PTPRN2: variants seen among roughly 807,000 people sequenced by gnomAD.
PTPRN2 encodes receptor-type tyrosine-protein phosphatase N2.
PTPRN2 carries 74 observed loss-of-function variants against 118.8 expected under a neutral mutation model. The ratio of observed to expected loss-of-function variants is 0.62; its 90% CI spans 0.52 to 0.76. The LOEUF is 0.76. Ranked by LOEUF, PTPRN2 falls within the 30% of genes least tolerant of loss-of-function variation. The probability of loss-of-function intolerance (pLI) is 0.00; values close to 1 mark genes in which losing one functional copy is unlikely to be tolerated. For synonymous variants in PTPRN2, 641 were observed against 608.0 expected, an observed-to-expected ratio of 1.05 and a Z score of -0.80; for missense variants, 1,481 against 1,394.4, an observed-to-expected ratio of 1.06 and a Z score of -0.99.
chr7:158,557,071 C>T lies in PTPRN2; in HGVS notation c.112+30487G>A, dbSNP rs184819995. Among the ~76,000 whole-genome samples, 1,005 of 134,126 alleles carry T rather than the reference C, an allele frequency of 7.5e-3. 8 individuals are homozygous for T. Among genetic ancestry groups the T allele is most frequent in the African/African-American group, 0.028 (958 of 34,510 alleles). 88.0% of individuals were successfully genotyped at this position (134,126 alleles called of 152,430 possible). ...AGGTCACTCCCAGGCAGGTGGCTCC[C>T]GCGCAGGTCAGGCGGCTCCTGTGCA... On this transcript the variant is annotated intron_variant, in intron 1 of 22. Transcript: ENST00000389418.
At chr7:158,399,638 A>G (rs1812782738) in intron 2 of PTPRN2, among the ~76,000 whole-genome samples, 1 of 152,172 alleles carries the variant, frequency 6.6e-6, no homozygotes. Flanking sequence ...CCTGGGTGAT[A>G]AAGCAAGATC....
chr7:157,555,127 G>A (rs771310708), intron 21 of PTPRN2, among the ~76,000 whole-genome samples: 88 of 152,336 alleles, frequency 5.8e-4, no homozygotes, highest in Non-Finnish European at 6.9e-4. Context: ...TGCGTGCTCC[G>A]CTGGCACCCG....
intron 6 of PTPRN2, among the ~76,000 whole-genome samples, chr7:158,149,057 T>G (rs1820571489): frequency 7.6e-6 from 1 of 131,838 alleles, no homozygotes; most frequent in Admixed American, 7.5e-5. Flanking sequence ...ACACCCCATC[T>G]CATGCCACGT....
rs1454886979 is a variant in PTPRN2 at position 157,549,120 on chromosome 7, A to G, written c.2903-101T>C. ...CACGTTCCCTCTGGGCTGAGAGGCC[A>G]ATTGAAAATTATTACGCTCATCCCT... On this transcript the variant is annotated intron_variant, in intron 21 of 22. Transcript: ENST00000389418. 5.1e-6 allele frequency: 6 copies of G among 1,167,614 alleles called. No individual in the cohort carries two copies. In the African/African-American group the frequency reaches 9.1e-5, roughly 18 times the overall value. 72.3% of individuals were successfully genotyped at this position (1,167,614 alleles called of 1,614,324 possible).
At chr7:158,351,526 G>A (rs933681072) in intron 2 of PTPRN2, among the ~76,000 whole-genome samples, 20 of 152,168 alleles carry the variant, frequency 1.3e-4, no homozygotes, top group African/African-American at 4.1e-4. Context: ...TTTAAAGAAT[G>A]CTAAAACATT....
chr7:157,811,051 C>T (rs914056656), intron 12 of PTPRN2, among the ~76,000 whole-genome samples: 1 of 151,898 alleles, frequency 6.6e-6, no homozygotes, highest in African/African-American at 2.4e-5. Context: ...GCAGGCGGAT[C>T]ACGAAGTCAG....
chr7:158,386,001 C>T (rs1358758112), intron 2 of PTPRN2, among the ~76,000 whole-genome samples: 2 of 135,226 alleles, frequency 1.5e-5, no homozygotes, highest in Non-Finnish European at 3.2e-5. Context: ...CTGAGTCCCT[C>T]CTCCCGTGCC....
At chr7:157,558,428 G>A (rs1409551823) in intron 21 of PTPRN2, among the ~76,000 whole-genome samples, 1 of 152,222 alleles carries the variant, frequency 6.6e-6, no homozygotes, top group Non-Finnish European at 1.5e-5. Context: ...GATGTGGCTA[G>A]GTCCTCAACA....
Position 157,709,593 on chromosome 7 carries a change from C to G in PTPRN2, c.1789-26656G>C, listed in dbSNP as rs78085550. Among the ~76,000 whole-genome samples the G allele has an allele frequency of 3.2e-3, 491 of 152,352 alleles. 4 individuals carry two copies. Among genetic ancestry groups the G allele is most frequent in the South Asian group, 6.2e-3 (30 of 4,828 alleles). On this transcript the variant is annotated intron_variant, in intron 12 of 22. Coordinates refer to ENST00000389418, the MANE Select transcript of PTPRN2 (RefSeq NM_002847.5). ...CCCCCAGCTCTGTCTTCTATGGGGA[C>G]TTCGACCTCGCTCCACGTTGTGCAG... is the stretch of plus-strand genomic sequence containing the variant.
At chr7:158,178,163 A>G (rs1331827421) in intron 5 of PTPRN2, among the ~76,000 whole-genome samples, 2 of 152,112 alleles carry the variant, frequency 1.3e-5, no homozygotes, top group African/African-American at 4.8e-5. Flanking sequence ...TCACTCATTT[A>G]TCCTCTTTGG....
At chr7:157,712,762 A>T (rs1451080969) in intron 12 of PTPRN2, among the ~76,000 whole-genome samples, 1 of 151,710 alleles carries the variant, frequency 6.6e-6, no homozygotes, top group East Asian at 1.9e-4. Context: ...AAAAAAAAAA[A>T]AAAAAAAAAA....
At position 157,627,530 on chromosome 7, in the gene PTPRN2, G is replaced by A. The variant is rs766123794; in HGVS notation, c.2197-6021C>T. Reference sequence around the variant, plus strand: ...GGAAGCGTTTGGAGGTGTGTCTTTCGTCTTTTAGAGCTGCTTGCTCTATAA... The same window carrying A: ...GGAAGCGTTTGGAGGTGTGTCTTTCATCTTTTAGAGCTGCTTGCTCTATAA... On this transcript the variant is annotated intron_variant, in intron 14 of 22. Coordinates refer to ENST00000389418, the MANE Select transcript of PTPRN2 (RefSeq NM_002847.5). This position sits in a 1 kb window ranked among gnomAD's most constrained non-coding sequence, Gnocchi z 4.2. Among the ~76,000 whole-genome samples the A allele has an allele frequency of 2.6e-5, 4 of 152,276 alleles. No homozygotes were observed. Among genetic ancestry groups the A allele is most frequent in the South Asian group, 2.1e-4 (1 of 4,828 alleles).
At chr7:158,144,322 A>G (rs1356443943) in intron 6 of PTPRN2, among the ~76,000 whole-genome samples, 1 of 152,212 alleles carries the variant, frequency 6.6e-6, no homozygotes, top group Non-Finnish European at 1.5e-5. Flanking sequence ...TGTTGCCAGC[A>G]GGAAAATGCC....
intron 12 of PTPRN2, among the ~76,000 whole-genome samples, chr7:157,866,828 CCG>C (rs1385152815): frequency 1.6e-4 from 17 of 104,696 alleles, no homozygotes; most frequent in Admixed American, 6.5e-4. Context: ...ATGGCCACCA[CCG>C]CCCCCCCCCG....
At chr7:158,172,395 C>T (rs117998550) in intron 5 of PTPRN2, among the ~76,000 whole-genome samples, 2 of 152,262 alleles carry the variant, frequency 1.3e-5, no homozygotes, top group East Asian at 3.9e-4. Context: ...TCATTATCAC[C>T]ATTAGTGTCA....
At chr7:157,844,637 G>A (rs1007379908) in intron 12 of PTPRN2, among the ~76,000 whole-genome samples, 6 of 152,160 alleles carry the variant, frequency 3.9e-5, no homozygotes, top group African/African-American at 1.4e-4. Flanking sequence ...GGTGATGAGG[G>A]CACACTGCTG....
Position 157,861,690 on chromosome 7 carries a change from C to T in PTPRN2, c.1788+36983G>A, listed in dbSNP as rs942762120. Among the ~76,000 whole-genome samples the T allele has an allele frequency of 1.3e-5, 2 of 152,234 alleles. No individual in the cohort carries two copies. Among genetic ancestry groups the T allele is most frequent in the African/African-American group, 4.8e-5 (2 of 41,468 alleles). The stretch of plus-strand genomic sequence containing the variant: ...ACCTTGCTTGGAGGTGTCTGCAGGG[C>T]CTTGAAGGGGACACCGACCCTTCCT... On this transcript the variant is annotated intron_variant, in intron 12 of 22. Transcript: ENST00000389418. The surrounding 1 kb of genome is among the most constrained non-coding windows in gnomAD (Gnocchi z 5.8).
intron 6 of PTPRN2, among the ~76,000 whole-genome samples, chr7:158,151,199 C>T (rs1821055615): frequency 5.5e-5 from 1 of 18,296 alleles, no homozygotes; most frequent in Non-Finnish European, 8.3e-5. Context: ...TCCCTGCCCA[C>T]ACCACCCACC....
intron 21 of PTPRN2, among the ~76,000 whole-genome samples, chr7:157,549,511 T>C (rs1288036846): frequency 6.6e-6 from 1 of 152,188 alleles, no homozygotes; most frequent in Non-Finnish European, 1.5e-5. Context: ...TAAACTCAAA[T>C]GTTCCACATT....
Sources: gnomAD v4.1 joint callset for allele counts (sites outside exome capture counted in the v4.1 genomes callset) on GRCh38, gnomAD v4.1.1 for gene constraint, Gnocchi (gnomAD v3.1) non-coding constraint, MANE v1.5 for transcripts, NCBI Gene and HGNC (gene_info 2026-07-23, HGNC 2026-07-21) for gene names.